The following SNTG1 variants were observed in gnomAD, a reference collection of about 807,000 sequenced individuals.
SNTG1 encodes the protein gamma-1-syntrophin.
A neutral mutation model predicts 74.7 loss-of-function variants in SNTG1; 39 were observed. That is an observed-to-expected ratio of 0.52 (90% CI 0.40 to 0.68). The LOEUF (loss-of-function observed/expected upper bound fraction) is 0.68, where lower values mean the gene tolerates loss of function less well. SNTG1 is among the 30% of genes least tolerant of loss of function. The pLI is 0.00. For missense variants in SNTG1, 685 were observed against 609.5 expected, an observed-to-expected ratio of 1.12 and a Z score of -1.30; for synonymous variants, 254 against 217.1, an observed-to-expected ratio of 1.17 and a Z score of -1.49.
At chr8:50,440,515 G>T (rs1458271927) in intron 5 of SNTG1, among the ~76,000 whole-genome samples, 2 of 151,976 alleles carry the variant, frequency 1.3e-5, no homozygotes, top group Non-Finnish European at 2.9e-5. Context: ...TTAGATCTGA[G>T]AATTTAAAAA....
At chr8:50,113,232 G>A (rs777688308) in intron 1 of SNTG1, among the ~76,000 whole-genome samples, 18 of 152,276 alleles carry the variant, frequency 1.2e-4, no homozygotes, top group Non-Finnish European at 2.4e-4. Flanking sequence ...CTATCCATGA[G>A]CATGGAAAAT....
intron 9 of SNTG1, among the ~76,000 whole-genome samples, chr8:50,527,144 T>C (rs1160002008): frequency 6.6e-6 from 1 of 152,150 alleles, no homozygotes; most frequent in African/African-American, 2.4e-5. Context: ...CATATCTTCT[T>C]TTGGAAAGCT....
chr8:50,492,422 T>G (rs2093865375), intron 8 of SNTG1, among the ~76,000 whole-genome samples: 1 of 152,202 alleles, frequency 6.6e-6, no homozygotes, highest in South Asian at 2.1e-4. Context: ...AATTTTTTAG[T>G]GATTGCTATT....
At chr8:50,015,520 AT>A (rs140061831) in intron 1 of SNTG1, among the ~76,000 whole-genome samples, 9,896 of 152,022 alleles carry the variant, frequency 0.065, 1,084 homozygotes, top group African/African-American at 0.22. Flanking sequence ...GTGTAAAAAA[AT>A]GTTAATGTAC....
rs535763309 is a variant in SNTG1, at chr8:50,414,268, G to A, written c.162+11924G>A. On this transcript the variant is annotated intron_variant, in intron 4 of 18. Transcript: ENST00000642720. ...TATTCTTTAAACTAAATTCTCAGTT[G>A]GGGATATGAGGCCACACAGGTAGAG... Among the ~76,000 whole-genome samples the A allele has an allele frequency of 3.9e-5, 6 of 152,254 alleles. No homozygotes were observed. The South Asian group carries it at 1.0e-3, about 26-fold the overall frequency.
chr8:50,378,021 G>A (rs1470379705), intron 2 of SNTG1, among the ~76,000 whole-genome samples: 1 of 152,230 alleles, frequency 6.6e-6, no homozygotes, highest in Non-Finnish European at 1.5e-5. Flanking sequence ...GGTCCACTGG[G>A]CTCGTTCCGC....
intron 1 of SNTG1, among the ~76,000 whole-genome samples, chr8:50,161,755 GAAAAGA>G (rs1231463738): frequency 6.6e-6 from 1 of 150,840 alleles, no homozygotes; most frequent in East Asian, 1.9e-4. Flanking sequence ...GGAAGAAACA[GAAAAGA>G]AAAAGAAAAA....
chr8:50,735,443 TGAGAAACATAGCACAAGAACTTC>T (rs2095525886), intron 17 of SNTG1, among the ~76,000 whole-genome samples: 2 of 151,710 alleles, frequency 1.3e-5, no homozygotes, highest in African/African-American at 4.8e-5. Flanking sequence ...CTGATGGAGC[TGAGAAACATAGCACAAGAACTTC>T]GTGAAGCATA....
At chr8:50,672,488 G>C (rs1348925720) in intron 15 of SNTG1, among the ~76,000 whole-genome samples, 2 of 152,014 alleles carry the variant, frequency 1.3e-5, no homozygotes, top group East Asian at 3.9e-4. Context: ...GTCTTCTCTT[G>C]AGAAGTGCCT....
At chr8:50,047,082 A>C (rs1020917627) in intron 1 of SNTG1, among the ~76,000 whole-genome samples, 26 of 152,098 alleles carry the variant, frequency 1.7e-4, no homozygotes, top group Admixed American at 6.6e-5. Context: ...AAAGAAATTT[A>C]TTTTTAAATT....
intron 13 of SNTG1, among the ~76,000 whole-genome samples, chr8:50,630,944 T>C (rs1335046299): frequency 6.6e-6 from 1 of 152,192 alleles, no homozygotes; most frequent in Non-Finnish European, 1.5e-5. Context: ...TTTTATGAAC[T>C]AGAGATACCT....
chr8:50,709,485 T>C (rs1459152322), intron 17 of SNTG1, among the ~76,000 whole-genome samples: 3 of 152,140 alleles, frequency 2.0e-5, no homozygotes, highest in Non-Finnish European at 4.4e-5. Context: ...CTTGACTTAA[T>C]AAGGATTATG....
intron 6 of SNTG1, 63 bp from the exon 7 acceptor site, chr8:50,450,493 A>T (rs1313464438): frequency 2.0e-6 from 3 of 1,522,588 alleles, no homozygotes; most frequent in Non-Finnish European, 2.7e-6. Flanking sequence ...TTTAATTAAA[A>T]GTCCTTTCAT....
chr8:50,519,852 C>G (rs775868985), intron 9 of SNTG1, among the ~76,000 whole-genome samples: 14 of 152,118 alleles, frequency 9.2e-5, no homozygotes, highest in Admixed American at 2.6e-4. Context: ...CAGGGAGAAT[C>G]AATAGAGTGA....
intron 4 of SNTG1, among the ~76,000 whole-genome samples, chr8:50,434,133 T>C (rs899109341): frequency 7.4e-5 from 11 of 147,700 alleles, no homozygotes; most frequent in African/African-American, 2.0e-4. Context: ...AGTGAGAACA[T>C]GCGGTGTTTG....
At chr8:50,689,910 T>C (rs1742883614) in intron 15 of SNTG1, among the ~76,000 whole-genome samples, 1 of 152,200 alleles carries the variant, frequency 6.6e-6, no homozygotes, top group African/African-American at 2.4e-5. Context: ...CTATTGATTA[T>C]TGCGTCAATT....
In SNTG1 at chr8:49,984,214, T is replaced by A. The variant is rs548198062; in HGVS notation, c.-103+71983T>A. Among the ~76,000 whole-genome samples the A allele has an allele frequency of 5.3e-5, 8 of 152,178 alleles. No individual in the cohort carries two copies. The South Asian group carries it at 6.2e-4, about 12-fold the overall frequency. Reference sequence around the variant, plus strand: ...TTTTTTTATTTTTATTTATTTATTTTTTTTTGGTGAGACAGAGATTTACTC... The same window carrying A: ...TTTTTTTATTTTTATTTATTTATTTATTTTTGGTGAGACAGAGATTTACTC... On this transcript the variant is annotated intron_variant, in intron 1 of 18. Coordinates refer to ENST00000642720, the MANE Select transcript of SNTG1 (RefSeq NM_018967.5).
intron 8 of SNTG1, among the ~76,000 whole-genome samples, chr8:50,477,422 GA>G (rs1563442753): frequency 1.3e-5 from 2 of 151,784 alleles, no homozygotes; most frequent in East Asian, 3.9e-4. Flanking sequence ...AAAAAAATCA[GA>G]AAAAAATACA....
At chr8:50,634,622 A>G (rs566926131) in intron 13 of SNTG1, among the ~76,000 whole-genome samples, 46 of 152,344 alleles carry the variant, frequency 3.0e-4, no homozygotes, top group African/African-American at 9.4e-4. Context: ...CAATATCACA[A>G]CAAAGATATT....
Sources: allele counts gnomAD v4.1 joint callset (sites outside exome capture counted in the v4.1 genomes callset), GRCh38; gene constraint gnomAD v4.1.1; transcripts MANE v1.5; gene names NCBI Gene and HGNC (gene_info 2026-07-23, HGNC 2026-07-21).